HECW2: variants seen among roughly 807,000 people sequenced by gnomAD.
The protein encoded by HECW2 is E3 ubiquitin-protein ligase HECW2.
HECW2 carries 61 observed loss-of-function variants against 175.2 expected under a neutral mutation model. The observed-to-expected ratio is 0.35, with a 90% CI of 0.28 to 0.43. The LOEUF is 0.43. Among genes scored for constraint, HECW2 ranks in the 20% least tolerant of loss-of-function variants. The pLI is 1.00. For synonymous variants in HECW2, 671 were observed against 731.0 expected (o/e 0.92, Z 1.32); for missense variants, 1,524 against 2,000.5 (o/e 0.76, Z 4.54).
intron 2 of HECW2, among the ~76,000 whole-genome samples, chr2:196,355,468 T>TA (rs1693331156): frequency 6.6e-6 from 1 of 152,208 alleles, no homozygotes; most frequent in Non-Finnish European, 1.5e-5. Flanking sequence ...CTATCCCCTG[T>TA]AACAAGGCTC....
chr2:196,353,898 C>T (rs566233842), intron 2 of HECW2, among the ~76,000 whole-genome samples: 33 of 152,314 alleles, frequency 2.2e-4, no homozygotes, highest in African/African-American at 7.9e-4. Context: ...GGGTTAGAGA[C>T]TACTTTCCTG....
chr2:196,546,332 C>A (rs567170301), intron 1 of HECW2, among the ~76,000 whole-genome samples: 28 of 152,228 alleles, frequency 1.8e-4, no homozygotes, highest in Non-Finnish European at 3.4e-4. Flanking sequence ...GTCTCCCCTA[C>A]TAGACTTCAG....
At chr2:196,242,411 GA>G in intron 19 of HECW2, 1 of 577,778 alleles carries the variant, frequency 1.7e-6, no homozygotes, top group Non-Finnish European at 3.0e-6. Context: ...TTTTGGTTGA[GA>G]ATAAAAATTC....
At chr2:196,298,829 T>C (rs191860587) in intron 13 of HECW2, among the ~76,000 whole-genome samples, 7 of 152,338 alleles carry the variant, frequency 4.6e-5, no homozygotes, top group Non-Finnish European at 1.0e-4. Context: ...TATTGAACAT[T>C]TTCAATAATA....
chr2:196,418,626 C>G (rs1169328561), intron 2 of HECW2, among the ~76,000 whole-genome samples: 1 of 151,968 alleles, frequency 6.6e-6, no homozygotes, highest in Non-Finnish European at 1.5e-5. Flanking sequence ...TTTTCGGAAA[C>G]AAGAGAATAA....
chr2:196,558,022 T>C (rs1689868759), intron 1 of HECW2, among the ~76,000 whole-genome samples: 1 of 152,218 alleles, frequency 6.6e-6, no homozygotes, highest in South Asian at 2.1e-4. Flanking sequence ...AATACTTTAT[T>C]TATTCTGTAA....
chr2:196,336,360 G>A (rs1692549527), intron 3 of HECW2, among the ~76,000 whole-genome samples: 1 of 152,136 alleles, frequency 6.6e-6, no homozygotes, highest in South Asian at 2.1e-4. Context: ...GCACGAGGAC[G>A]GTCCGAGCAG....
At chr2:196,463,117 G>A (rs1401330776) in intron 1 of HECW2, among the ~76,000 whole-genome samples, 1 of 152,164 alleles carries the variant, frequency 6.6e-6, no homozygotes, top group Non-Finnish European at 1.5e-5. Context: ...CTTCTCTAAT[G>A]GTCACTAGTG....
At chr2:196,279,076 T>G (rs1690088467) in intron 14 of HECW2, among the ~76,000 whole-genome samples, 1 of 151,586 alleles carries the variant, frequency 6.6e-6, no homozygotes. Flanking sequence ...TGAGACGGAG[T>G]CTCGCTCTGT....
At position 196,306,613 on chromosome 2, in the gene HECW2, C is replaced by G; in HGVS notation, c.2690-1G>C. The G allele has an allele frequency of 6.2e-7, 1 of 1,610,704 alleles. No individual in the cohort carries two copies. Among genetic ancestry groups the G allele is most frequent in the Non-Finnish European group, 8.5e-7 (1 of 1,178,452 alleles). On this transcript the variant is annotated splice_acceptor_variant, in intron 12 of 28. Coordinates refer to ENST00000644978, the MANE Select transcript of HECW2 (RefSeq NM_001348768.2). LOFTEE classifies it high-confidence loss of function. ...GGCAGGATGTTCTCCCGTCGGAAAT[C>G]TAGATGGGGCAGACCACAGAGGCGG...
intron 1 of HECW2, among the ~76,000 whole-genome samples, chr2:196,569,594 C>G (rs890846652): frequency 4.6e-5 from 7 of 152,256 alleles, no homozygotes; most frequent in African/African-American, 1.7e-4. Context: ...GTACTAGATC[C>G]TAACATCAGT....
intron 3 of HECW2, among the ~76,000 whole-genome samples, chr2:196,336,420 C>T (rs1210680420): frequency 6.6e-6 from 1 of 152,150 alleles, no homozygotes; most frequent in East Asian, 1.9e-4. Context: ...GACATGAGCT[C>T]ATTGGTATCA....
Position 196,197,080 on chromosome 2 carries a change from A to G in HECW2, c.*4197T>C, listed in dbSNP as rs1686717795. On this transcript the variant is annotated 3_prime_UTR_variant, in exon 29 of 29. Transcript: ENST00000644978. ...TGGATGACAGAGCCAGACTGTCTCA[A>G]ACAAACAAACAAAGAAAGCAAAAGG... 1.3e-5 allele frequency: 2 copies of G among 151,562 alleles called. No homozygotes were observed. The highest frequency in any genetic ancestry group is 4.9e-5 in the African/African-American group (2 of 40,888). 9.4% of individuals were successfully genotyped at this position (151,562 alleles called of 1,614,324 possible). A position where few individuals can be genotyped will look rare whatever the true frequency, so the allele number is the denominator to read the frequency against.
intron 13 of HECW2, among the ~76,000 whole-genome samples, chr2:196,303,985 G>A (rs973446421): frequency 6.6e-6 from 1 of 152,154 alleles, no homozygotes; most frequent in Non-Finnish European, 1.5e-5. Flanking sequence ...TACCACAGTA[G>A]CTTTTCACTT....
chr2:196,460,884 C>T (rs566970247), intron 1 of HECW2, among the ~76,000 whole-genome samples: 1 of 150,858 alleles, frequency 6.6e-6, no homozygotes, highest in Non-Finnish European at 1.5e-5. Flanking sequence ...CTCGGACTCC[C>T]AAAGTACTAG....
intron 18 of HECW2, among the ~76,000 whole-genome samples, chr2:196,255,147 A>ATT (rs768416431): frequency 0.099 from 9,425 of 95,402 alleles, 1,308 homozygotes; most frequent in African/African-American, 0.25. Flanking sequence ...TAATTTTTCT[A>ATT]TTTTTTTTTT....
At chr2:196,393,788 C>T (rs1694581712) in intron 2 of HECW2, among the ~76,000 whole-genome samples, 1 of 152,210 alleles carries the variant, frequency 6.6e-6, no homozygotes, top group Non-Finnish European at 1.5e-5. Flanking sequence ...TTTGACCCAG[C>T]TATCCCATTA....
At chr2:196,512,889 A>G (rs547139401) in intron 1 of HECW2, among the ~76,000 whole-genome samples, 21 of 151,832 alleles carry the variant, frequency 1.4e-4, no homozygotes, top group Non-Finnish European at 2.4e-4. Context: ...ACGGGGCCTC[A>G]CCATGTTGGC....
At chr2:196,560,206 C>T (rs538208296) in intron 1 of HECW2, among the ~76,000 whole-genome samples, 20 of 152,190 alleles carry the variant, frequency 1.3e-4, no homozygotes, top group African/African-American at 4.3e-4. Flanking sequence ...AGTGCAATGG[C>T]GCGATCTCGG....
Sources: allele counts gnomAD v4.1 joint callset (sites outside exome capture counted in the v4.1 genomes callset), GRCh38; gene constraint gnomAD v4.1.1; transcripts MANE v1.5; gene names NCBI Gene and HGNC (gene_info 2026-07-23, HGNC 2026-07-21).